The following SUPT6H variants were observed in gnomAD, a reference collection of about 807,000 sequenced individuals.
SUPT6H encodes SPT6 homolog, histone chaperone and transcription elongation factor, also known as transcription elongation factor SPT6.
Under a neutral mutation model 222.3 loss-of-function variants are expected in SUPT6H, and 11 were observed. The ratio of observed to expected loss-of-function variants is 0.05; its 90% CI spans 0.03 to 0.08. The LOEUF (loss-of-function observed/expected upper bound fraction) is 0.08, where lower values mean the gene tolerates loss of function less well. Among genes scored for constraint, SUPT6H ranks in the 10% least tolerant of loss-of-function variants. SUPT6H has a pLI of 1.00. For synonymous variants in SUPT6H, 762 were observed against 801.2 expected, an observed-to-expected ratio of 0.95 and a Z score of 0.83; for missense variants, 1,422 against 2,216.0, an observed-to-expected ratio of 0.64 and a Z score of 7.19.
intron 1 of SUPT6H, among the ~76,000 whole-genome samples, chr17:28,663,828 A>ATTGTTTTTTTTTTTTTTT (rs2072113524): frequency 2.6e-5 from 1 of 38,374 alleles, no homozygotes; most frequent in African/African-American, 9.6e-5. Context: ...TGCCCACTCC[A>ATTGTTTTTTTTTTTTTTT]TTTTTTTTTT....
intron 25 of SUPT6H, 62 bp downstream of exon 25, chr17:28,689,623 G>A (rs1275833316): frequency 1.3e-6 from 2 of 1,506,816 alleles, no homozygotes; most frequent in African/African-American, 2.8e-5. Context: ...GTTGGTAGGA[G>A]ACTTGGGCAG....
At chr17:28,696,585 CAAAAA>C (rs368924462) in intron 29 of SUPT6H, among the ~76,000 whole-genome samples, 2 of 54,028 alleles carry the variant, frequency 3.7e-5, no homozygotes, top group South Asian at 6.4e-4. Flanking sequence ...GAGACTGTCT[CAAAAA>C]AAAAAAAAAA....
At chr17:28,700,828 T>C in intron 35 of SUPT6H, 113 bp from the exon 36 acceptor site, 1 of 1,307,240 alleles carries the variant, frequency 7.6e-7, no homozygotes, top group Non-Finnish European at 1.1e-6. Flanking sequence ...ACATACTCAG[T>C]GGAAGATCAT....
chr17:28,666,369 G>A (rs16964481), intron 1 of SUPT6H, among the ~76,000 whole-genome samples: 15,441 of 152,188 alleles, frequency 0.1, 825 homozygotes, highest in South Asian at 0.15. Flanking sequence ...AAAAGGAAAG[G>A]TTTGCCAACC....
chr17:28,689,221 G>A, intron 24 of SUPT6H, 133 bp from the exon 25 acceptor site: 1 of 740,902 alleles, frequency 1.3e-6, no homozygotes, highest in South Asian at 1.8e-5. Context: ...CCTCATTCTT[G>A]TTAATGGCTG....
intron 6 of SUPT6H, 140 bp from the exon 7 acceptor site, chr17:28,676,017 C>T (rs1309137081): frequency 4.1e-6 from 4 of 981,832 alleles, no homozygotes; most frequent in Non-Finnish European, 5.8e-6. Context: ...AGCCTTTCGT[C>T]CACAGTGAAT....
At position 28,676,296 on chromosome 17, in the gene SUPT6H, C is replaced by T; in HGVS notation, c.763C>T (p.Pro255Ser). The change falls in exon 7 of 37, where the codon CCC becomes TCC. Residue 255 changes from proline (P) to serine (S), a missense_variant. Pro to Ser is a moderately conservative substitution (Grantham distance 74). Around this residue, in one of 13 missense-constraint regions of SUPT6H, gnomAD observed 389 missense variants for 544.6 expected, o/e 0.71. Coordinates refer to ENST00000314616, the MANE Select transcript of SUPT6H (RefSeq NM_003170.5). The part of the protein sequence containing the change: ...DEAEGEIRVR[P>S]KKTTKKRVSR... ...GGCTGAGGGTGAAATCCGAGTGCGC[C>T]CCAAGAAGACCACCAAGAAGCGTGT... 6.2e-7 allele frequency: 1 copy of T among 1,613,148 alleles called. No individual in the cohort carries two copies. Among genetic ancestry groups the T allele is most frequent in the Non-Finnish European group, 8.5e-7 (1 of 1,179,752 alleles).
At chr17:28,697,346 C>T (rs2043628226) in intron 30 of SUPT6H, among the ~76,000 whole-genome samples, 1 of 152,192 alleles carries the variant, frequency 6.6e-6, no homozygotes, top group South Asian at 2.1e-4. Flanking sequence ...TACGCACACA[C>T]ATATATCAAG....
chr17:28,663,302 C>T (rs1450146998), intron 1 of SUPT6H, among the ~76,000 whole-genome samples: 1 of 152,174 alleles, frequency 6.6e-6, no homozygotes, highest in Non-Finnish European at 1.5e-5. Flanking sequence ...CCCTTTTTTA[C>T]GAGTAATGTC....
intron 26 of SUPT6H, among the ~76,000 whole-genome samples, 186 bp downstream of exon 26, chr17:28,690,415 TTCCAGTGTGCTATGGAATCTTCA>T (rs1483952667): frequency 6.6e-6 from 1 of 152,214 alleles, no homozygotes; most frequent in African/African-American, 2.4e-5. Flanking sequence ...TCAAATGTGC[TTCCAGTGTGCTATGGAATCTTCA>T]TGCAGTTAGT....
chr17:28,682,144 C>T (rs1374680889), intron 13 of SUPT6H, 164 bp downstream of exon 13: 2 of 542,096 alleles, frequency 3.7e-6, no homozygotes, highest in Middle Eastern at 5.0e-4. Flanking sequence ...CCTCTCCAAA[C>T]CCATTCCCGC....
At chr17:28,685,343 T>A (rs2031327099) in intron 19 of SUPT6H, among the ~76,000 whole-genome samples, 1 of 152,236 alleles carries the variant, frequency 6.6e-6, no homozygotes. Context: ...TCAATTCATT[T>A]GGTTGGTATA....
Position 28,700,182 on chromosome 17 carries a change from C to T in SUPT6H, c.4571C>T (p.Pro1524Leu), listed in dbSNP as rs1363556536. 1.2e-6 allele frequency: 2 copies of T among 1,614,234 alleles called. No homozygotes were observed. The highest frequency in any genetic ancestry group is 1.7e-6 in the Non-Finnish European group (2 of 1,180,044). The change falls in exon 34 of 37, where the codon CCT becomes CTT. Residue 1524 changes from proline (P) to leucine (L), a missense_variant. Around this residue, in one of 13 missense-constraint regions of SUPT6H, gnomAD observed 395 missense variants for 580.6 expected, o/e 0.68. Transcript: ENST00000314616. ...HYQDPVPGIT[P>L]SSSSRTRTPA... ...TAATCACTTCCTGCAGGCATCACCCCTAGCAGCAGCAGCAGGACCCGGACA... is the reference window on the plus strand; with the variant it reads ...TAATCACTTCCTGCAGGCATCACCCTTAGCAGCAGCAGCAGGACCCGGACA...
chr17:28,693,839 A>G lies in SUPT6H; in HGVS notation c.3774+3A>G. 1.9e-6 allele frequency: 3 copies of G among 1,614,210 alleles called. No individual in the cohort carries two copies. Among genetic ancestry groups the G allele is most frequent in the Non-Finnish European group, 2.5e-6 (3 of 1,180,016 alleles). ...AGCGGCCAGAAGAACGAGTGAAGGT[A>G]GAGGACTGATTGTCCTAAGGTCGTA... On this transcript the variant is annotated splice_donor_region_variant and intron_variant, in intron 28 of 36. Coordinates refer to ENST00000314616, the MANE Select transcript of SUPT6H (RefSeq NM_003170.5).
At position 28,700,249 on chromosome 17, in the gene SUPT6H, A is replaced by G; in HGVS notation, c.4638A>G (p.Ala1546=). 6.2e-7 allele frequency: 1 copy of G among 1,614,210 alleles called. No individual in the cohort carries two copies. The highest frequency in any genetic ancestry group is 1.6e-4 in the Middle Eastern group (1 of 6,062). Residue 1546 remains alanine (A), a splice_region_variant and synonymous_variant, in exon 34 of 37, where the codon GCA becomes GCG. Transcript: ENST00000314616. ...CTACCCCAGCCAACATCAACCTTGC[A>G]GGTGAGGAGCTTGAGCCTGGGACTG... ...INATPANINL[A]DLTRAVNALP...
rs1188695473 is a variant in SUPT6H at position 28,701,433 on chromosome 17, T to A, written c.4995-6T>A. The A allele has an allele frequency of 6.2e-7, 1 of 1,611,782 alleles. No homozygotes were observed. The highest frequency in any genetic ancestry group is 8.5e-7 in the Non-Finnish European group (1 of 1,178,302). ...GTCCCAATCTCAACTTTTCTTCCCC[T>A]CCCAGGTCCAACAGCCATGCAGCCA... On this transcript the variant is annotated splice_polypyrimidine_tract_variant and splice_region_variant and intron_variant, in intron 36 of 36. Transcript: ENST00000314616.
chr17:28,662,719 C>T (rs2072080124), intron 1 of SUPT6H, among the ~76,000 whole-genome samples: 1 of 152,188 alleles, frequency 6.6e-6, no homozygotes, highest in Non-Finnish European at 1.5e-5. Context: ...GATATGAATC[C>T]TGTGGAGCTT....
rs777113892 is a variant in SUPT6H, at chr17:28,700,203, G to A, written c.4592G>A (p.Arg1531Gln). Residue 1531 changes from arginine (R) to glutamine (Q), a missense_variant, in exon 34 of 37, where the codon CGG becomes CAG. Arg to Gln is a conservative substitution (Grantham distance 43, BLOSUM62 1). Transcript: ENST00000314616. ...ACCCCTAGCAGCAGCAGCAGGACCC[G>A]GACACCTGCCTCTATCAATGCTACC... ...GITPSSSSRT[R>Q]TPASINATPA... 2.5e-6 allele frequency: 4 copies of A among 1,614,020 alleles called. No individual in the cohort carries two copies. The highest frequency in any genetic ancestry group is 1.7e-5 in the Admixed American group (1 of 60,002).
Position 28,701,037 on chromosome 17 carries a change from T to C in SUPT6H, c.4903T>C (p.Tyr1635His). ...TPSQPITTPQ[Y>H]HQLQASTTPQ... The stretch of plus-strand genomic sequence containing the variant: ...AAGCCAGCCCATCACCACCCCTCAG[T>C]ACCACCAGCTCCAGGCCAGCACCAC... The change falls in exon 36 of 37, where the codon TAC (tyrosine) becomes CAC (histidine). Residue 1635 changes from tyrosine to histidine, a missense_variant. By Grantham distance (83) the Tyr-to-His change is moderately conservative. Transcript: ENST00000314616. 1 of 1,614,108 alleles carries C rather than the reference T, an allele frequency of 6.2e-7. No individual in the cohort carries two copies. Among genetic ancestry groups the C allele is most frequent in the Non-Finnish European group, 8.5e-7 (1 of 1,179,978 alleles).
Sources: gnomAD v4.1 joint callset for allele counts (sites outside exome capture counted in the v4.1 genomes callset) on GRCh38, gnomAD v4.1.1 for gene constraint, gnomAD v4.1.1 regional missense constraint, MANE v1.5 for transcripts, NCBI Gene and HGNC (gene_info 2026-07-23, HGNC 2026-07-21) for gene names.